Variants in TNPO1 observed in about 807,000 individuals in gnomAD.
TNPO1 encodes the protein transportin-1.
A neutral mutation model predicts 119.5 loss-of-function variants in TNPO1; 8 were observed. That is an observed-to-expected ratio of 0.07 (90% CI 0.04 to 0.12). The LOEUF (loss-of-function observed/expected upper bound fraction) is 0.12, where lower values mean the gene tolerates loss of function less well. TNPO1 is among the 10% of genes least tolerant of loss of function. The pLI is 1.00. For missense variants in TNPO1, 576 were observed against 1,089.8 expected (o/e 0.53, Z 6.64); for synonymous variants, 362 against 363.0 (o/e 1.00, Z 0.03).
intron 20 of TNPO1, among the ~76,000 whole-genome samples, chr5:72,899,220 T>C (rs1306673867): frequency 6.6e-6 from 1 of 152,214 alleles, no homozygotes; most frequent in Non-Finnish European, 1.5e-5. Context: ...CCACATATCA[T>C]ATGTCATTGC....
intron 3 of TNPO1, 121 bp from the exon 4 acceptor site, chr5:72,855,653 A>T: frequency 1.3e-6 from 1 of 795,224 alleles, no homozygotes; most frequent in African/African-American, 1.7e-5. Context: ...TAATTATTTT[A>T]ACTGGTTATA....
intron 1 of TNPO1, among the ~76,000 whole-genome samples, chr5:72,839,564 G>A (rs1421562527): frequency 2.6e-5 from 4 of 152,078 alleles, no homozygotes; most frequent in Non-Finnish European, 5.9e-5. Flanking sequence ...AAATTATTAT[G>A]TAACTTTAAA....
chr5:72,869,753 A>G (rs990557612), intron 6 of TNPO1, among the ~76,000 whole-genome samples: 5 of 152,218 alleles, frequency 3.3e-5, no homozygotes, highest in African/African-American at 1.2e-4. Flanking sequence ...GGAAGAGATC[A>G]TATTGGAGAA....
intron 15 of TNPO1, among the ~76,000 whole-genome samples, chr5:72,892,199 A>G (rs567648601): frequency 7.2e-5 from 11 of 152,086 alleles, no homozygotes. Flanking sequence ...TCACTCATAC[A>G]TATATGTTGA....
At chr5:72,883,277 C>T (rs1349333748) in intron 11 of TNPO1, 45 bp downstream of exon 11, 2 of 878,490 alleles carry the variant, frequency 2.3e-6, no homozygotes, top group African/African-American at 1.6e-5. Context: ...TTGATGATAA[C>T]TTTATTGGGG....
rs536851205 is a variant in TNPO1, at chr5:72,901,837, T to C, written c.2514+764T>C. Among the ~76,000 whole-genome samples the C allele has an allele frequency of 3.3e-5, 5 of 152,138 alleles. No homozygotes were observed. In the South Asian group the frequency reaches 1.0e-3, roughly 32 times the overall value. ...ACATCAAATCAATTGAAAAACGTAG[T>C]TGAGGCCGAGGCAGGCAGATCACGA... On this transcript the variant is annotated intron_variant, in intron 22 of 24. Transcript: ENST00000337273.
At chr5:72,863,375 G>C (rs1026643713) in intron 5 of TNPO1, among the ~76,000 whole-genome samples, 6 of 152,140 alleles carry the variant, frequency 3.9e-5, no homozygotes, top group African/African-American at 1.4e-4. Flanking sequence ...CCAAGGCCTA[G>C]GTGGGTGGAT....
chr5:72,828,285 A>T (rs987907062), intron 1 of TNPO1, among the ~76,000 whole-genome samples: 1 of 152,212 alleles, frequency 6.6e-6, no homozygotes, highest in Non-Finnish European at 1.5e-5. Flanking sequence ...AATGGGAGAC[A>T]GTGACTATTT....
Position 72,861,798 on chromosome 5 carries a change from T to C in TNPO1, c.356-10T>C, listed in dbSNP as rs2112312981. On this transcript the variant is annotated splice_polypyrimidine_tract_variant and intron_variant, in intron 4 of 24. Coordinates refer to ENST00000337273, the MANE Select transcript of TNPO1 (RefSeq NM_002270.4). ...GTTGGATTTCCTAAAGAAGTGTGTTTTTGTTCAAGGTATTTTGATCACAAC... is the reference window on the plus strand; with the variant it reads ...GTTGGATTTCCTAAAGAAGTGTGTTCTTGTTCAAGGTATTTTGATCACAAC... The C allele has an allele frequency of 6.3e-7, 1 of 1,599,986 alleles. No individual in the cohort carries two copies. The highest frequency in any genetic ancestry group is 2.2e-5 in the East Asian group (1 of 44,764).
At chr5:72,826,359 TA>T (rs1372128545) in intron 1 of TNPO1, among the ~76,000 whole-genome samples, 2 of 152,168 alleles carry the variant, frequency 1.3e-5, no homozygotes, top group Non-Finnish European at 2.9e-5. Flanking sequence ...TTTAAACGGT[TA>T]TGAAACAAAG....
rs1343554511 is a variant in TNPO1 at position 72,903,843 on chromosome 5, TTTAAA to T, written c.2589+64_2589+68del. The stretch of plus-strand genomic sequence containing the variant: ...GACTGTTAATATCCTAGTGGAAAAC[TTTAAA>T]TTATGTTTACATTTTTTGTGAAAGT... On this transcript the variant is annotated intron_variant, in intron 23 of 24. Coordinates refer to ENST00000337273, the MANE Select transcript of TNPO1 (RefSeq NM_002270.4). 7 of 1,158,658 alleles carry T rather than the reference TTTAAA, an allele frequency of 6.0e-6. No individual in the cohort carries two copies. In the Admixed American group the frequency reaches 9.1e-5, roughly 15 times the overall value. 71.8% of individuals were successfully genotyped at this position (1,158,658 alleles called of 1,614,324 possible).
chr5:72,859,240 G>T (rs186684609), intron 4 of TNPO1, among the ~76,000 whole-genome samples: 39 of 152,196 alleles, frequency 2.6e-4, no homozygotes, highest in Middle Eastern at 3.4e-3. Flanking sequence ...TTTTGGACTG[G>T]ATAATTCTTT....
At chr5:72,885,266 C>T (rs1402849782) in intron 11 of TNPO1, among the ~76,000 whole-genome samples, 1 of 152,344 alleles carries the variant, frequency 6.6e-6, no homozygotes, top group African/African-American at 2.4e-5. Context: ...ACATCTAGTA[C>T]TGGGACCCAA....
At chr5:72,878,754 G>T (rs1481290554) in intron 9 of TNPO1, 3 of 261,182 alleles carry the variant, frequency 1.1e-5, no homozygotes, top group East Asian at 1.1e-4. Context: ...TTGAGTTTCT[G>T]TGGGGTCATA....
intron 11 of TNPO1, among the ~76,000 whole-genome samples, chr5:72,884,326 A>G (rs1467848389): frequency 6.6e-6 from 1 of 152,028 alleles, no homozygotes; most frequent in Non-Finnish European, 1.5e-5. Flanking sequence ...TTATTTTATC[A>G]TTATTATATT....
chr5:72,851,465 C>T (rs1745555860), intron 3 of TNPO1, 146 bp downstream of exon 3: 4 of 562,680 alleles, frequency 7.1e-6, no homozygotes, highest in Non-Finnish European at 1.3e-5. Flanking sequence ...TAATACCACT[C>T]AGTATTTACA....
At chr5:72,906,356 A>G (rs867863047) in intron 24 of TNPO1, among the ~76,000 whole-genome samples, 2 of 120,554 alleles carry the variant, frequency 1.7e-5, no homozygotes, top group African/African-American at 6.5e-5. Context: ...CAGTGGCGCA[A>G]TCTGAGTTCA....
At chr5:72,846,882 T>C (rs1410374606) in intron 1 of TNPO1, among the ~76,000 whole-genome samples, 2 of 152,222 alleles carry the variant, frequency 1.3e-5, no homozygotes, top group African/African-American at 2.4e-5. Flanking sequence ...TTTATTGAAA[T>C]ATTTTCAATA....
chr5:72,892,197 A>G (rs1749113321), intron 15 of TNPO1, among the ~76,000 whole-genome samples: 1 of 152,012 alleles, frequency 6.6e-6, no homozygotes. Flanking sequence ...TTTCACTCAT[A>G]CATATATGTT....
Sources: gnomAD v4.1 joint callset for allele counts (sites outside exome capture counted in the v4.1 genomes callset) on GRCh38, gnomAD v4.1.1 for gene constraint, MANE v1.5 for transcripts, NCBI Gene and HGNC (gene_info 2026-07-23, HGNC 2026-07-21) for gene names.